The following SCGB2B2 variants were observed in gnomAD, a reference collection of about 807,000 sequenced individuals.
SCGB2B2 encodes secretoglobin family 2B member 2, also known as secretoglobin-like protein.
Under a neutral mutation model 7.6 loss-of-function variants are expected in SCGB2B2, and 11 were observed. The observed-to-expected ratio is 1.45, with a 90% CI of 0.91 to 2.40. SCGB2B2 has a LOEUF of 2.40. Ranked by LOEUF, SCGB2B2 falls within the 30% of genes most tolerant of loss-of-function variation. SCGB2B2 has a pLI of 0.00. For missense variants in SCGB2B2, 104 were observed against 115.4 expected (o/e 0.90, Z 0.45); for synonymous variants, 50 against 48.6 (o/e 1.03, Z -0.12).
At chr19:34,659,745 A>G (rs944353315) in intron 1 of SCGB2B2, among the ~76,000 whole-genome samples, 3 of 151,420 alleles carry the variant, frequency 2.0e-5, no homozygotes, top group Non-Finnish European at 4.4e-5. Flanking sequence ...TGCTATCCCC[A>G]TCAAACTACC....
chr19:34,636,295 G>A (rs983889004), intron 1 of SCGB2B2, among the ~76,000 whole-genome samples: 13 of 151,754 alleles, frequency 8.6e-5, no homozygotes, highest in African/African-American at 2.4e-4. Context: ...GGGCTACGGG[G>A]GTTACAGGTG....
At position 34,649,141 on chromosome 19, in the gene SCGB2B2, C is replaced by T. The variant is rs536486535; in HGVS notation, c.-2032+26489G>A. Among the ~76,000 whole-genome samples, 10 of 152,236 alleles carry T rather than the reference C, an allele frequency of 6.6e-5. No homozygotes were observed. In the South Asian group the frequency reaches 2.1e-3, roughly 32 times the overall value. ...CAGGCTGGTCTTGAACTCCTGACCTCGTGATCCGCCCACCTCGGCCTCCCA... is the reference window on the plus strand; with the variant it reads ...CAGGCTGGTCTTGAACTCCTGACCTTGTGATCCGCCCACCTCGGCCTCCCA... On this transcript the variant is annotated intron_variant, in intron 1 of 3. Transcript: ENST00000601241.
rs1052654792 is a variant in SCGB2B2, at chr19:34,591,625, T to C, written c.*1930A>G. Among the ~76,000 whole-genome samples the C allele has an allele frequency of 6.6e-6, 1 of 152,250 alleles. No individual in the cohort carries two copies. The highest frequency in any genetic ancestry group is 2.4e-5 in the African/African-American group (1 of 41,470). ...TGCGTGACCTGGCACTTGCCTCGTTTTCTGACGTGACCTCCTTCCCTGCTG... is the reference window on the plus strand; with the variant it reads ...TGCGTGACCTGGCACTTGCCTCGTTCTCTGACGTGACCTCCTTCCCTGCTG... On this transcript the variant is annotated 3_prime_UTR_variant, in exon 4 of 4. Transcript: ENST00000601241.
chr19:34,603,219 G>C (rs2145792911), intron 1 of SCGB2B2, among the ~76,000 whole-genome samples: 1 of 152,266 alleles, frequency 6.6e-6, no homozygotes, highest in East Asian at 1.9e-4. Flanking sequence ...AGTGTTATTG[G>C]TGGGGTGAGA....
chr19:34,667,148 AC>A (rs1277793868), intron 1 of SCGB2B2, among the ~76,000 whole-genome samples: 1 of 151,744 alleles, frequency 6.6e-6, no homozygotes, highest in Non-Finnish European at 1.5e-5. Context: ...CTCTCTCTCC[AC>A]CCAAACACTT....
intron 1 of SCGB2B2, among the ~76,000 whole-genome samples, chr19:34,598,961 T>A (rs1003669353): frequency 4.6e-5 from 7 of 152,354 alleles, no homozygotes; most frequent in African/African-American, 7.2e-5. Context: ...GCTTACCAAG[T>A]CCTGTGGTTC....
At chr19:34,585,886 C>T (rs2065181811), downstream of SCGB2B2, among the ~76,000 whole-genome samples, 2 of 152,142 alleles carry the variant, frequency 1.3e-5, no homozygotes, top group African/African-American at 4.8e-5. Context: ...GGGGAAGTTG[C>T]ATATCTGTGA....
At chr19:34,614,531 G>C (rs2066018062) in intron 1 of SCGB2B2, among the ~76,000 whole-genome samples, 1 of 151,984 alleles carries the variant, frequency 6.6e-6, no homozygotes, top group South Asian at 2.1e-4. Flanking sequence ...TTATTGAATT[G>C]TGTCTGTATT....
chr19:34,675,267 G>A (rs1003190905), intron 1 of SCGB2B2, among the ~76,000 whole-genome samples: 4 of 152,186 alleles, frequency 2.6e-5, no homozygotes, highest in Non-Finnish European at 5.9e-5. Flanking sequence ...AATCATAGAT[G>A]GAAACATGCT....
At position 34,596,387 on chromosome 19, in the gene SCGB2B2, GC is replaced by G. The variant is rs1425589610; in HGVS notation, c.-1825del. 37 of 152,664 alleles carry G rather than the reference GC, an allele frequency of 2.4e-4. No individual in the cohort carries two copies. Among genetic ancestry groups the G allele is most frequent in the African/African-American group, 8.7e-4 (36 of 41,462 alleles). 9.5% of individuals were successfully genotyped at this position (152,664 alleles called of 1,614,324 possible). ...CCATGCGTGCTGAGACTCTCAGCCG[GC>G]TCTGTGGCCTGTCATGTTGTGTGTG... is the stretch of plus-strand genomic sequence containing the variant. On this transcript the variant is annotated 5_prime_UTR_variant, in exon 2 of 4. An upstream open reading frame in the 5' UTR loses its in-frame stop. Transcript: ENST00000601241.
At chr19:34,646,522 T>TC (rs1256848047) in intron 1 of SCGB2B2, 1 of 152,428 alleles carries the variant, frequency 6.6e-6, no homozygotes, top group Non-Finnish European at 1.5e-5. Context: ...GAGCCTGGGA[T>TC]CCCCAAGAAA....
intron 1 of SCGB2B2, among the ~76,000 whole-genome samples, chr19:34,638,448 C>CA (rs59332569): frequency 0.013 from 1,757 of 133,734 alleles, 29 homozygotes; most frequent in African/African-American, 0.044. Flanking sequence ...GTCTCCAAAA[C>CA]AAAAAAAAAA....
intron 1 of SCGB2B2, among the ~76,000 whole-genome samples, chr19:34,643,533 C>T (rs904522217): frequency 5.3e-5 from 8 of 152,100 alleles, no homozygotes; most frequent in African/African-American, 1.9e-4. Flanking sequence ...AACTAACAAC[C>T]AAACATTGTG....
intron 1 of SCGB2B2, among the ~76,000 whole-genome samples, chr19:34,600,103 C>A (rs1166865680): frequency 1.3e-5 from 2 of 152,050 alleles, no homozygotes; most frequent in Non-Finnish European, 2.9e-5. Context: ...TACATATGTG[C>A]CATGTTGGTG....
chr19:34,644,887 G>A (rs1326882091), intron 1 of SCGB2B2, among the ~76,000 whole-genome samples: 1 of 152,142 alleles, frequency 6.6e-6, no homozygotes, highest in South Asian at 2.1e-4. Context: ...TTAACTGAGT[G>A]CCCACTTTGC....
chr19:34,659,293 AAT>A (rs2067380757), intron 1 of SCGB2B2, among the ~76,000 whole-genome samples: 1 of 152,230 alleles, frequency 6.6e-6, no homozygotes, highest in Non-Finnish European at 1.5e-5. Context: ...TGGCCAGGGC[AAT>A]AAGGCAAGAG....
chr19:34,669,987 T>C (rs1349756519), intron 1 of SCGB2B2, among the ~76,000 whole-genome samples: 1 of 152,142 alleles, frequency 6.6e-6, no homozygotes, highest in East Asian at 1.9e-4. Context: ...ATTAGCTAGT[T>C]TGAATAATCC....
chr19:34,663,624 C>T (rs746896945), intron 1 of SCGB2B2, among the ~76,000 whole-genome samples: 12 of 152,204 alleles, frequency 7.9e-5, no homozygotes, highest in Non-Finnish European at 1.8e-4. Flanking sequence ...CTCACCATGA[C>T]CTTTCTTCAA....
chr19:34,648,657 T>G (rs2067083993), intron 1 of SCGB2B2, among the ~76,000 whole-genome samples: 1 of 151,012 alleles, frequency 6.6e-6, no homozygotes, highest in Admixed American at 6.6e-5. Context: ...GAATATATTA[T>G]GTTAAATTAT....
Sources: gnomAD v4.1 joint callset for allele counts (sites outside exome capture counted in the v4.1 genomes callset) on GRCh38, gnomAD v4.1.1 for gene constraint, MANE v1.5 for transcripts, NCBI Gene and HGNC (gene_info 2026-07-23, HGNC 2026-07-21) for gene names.